GID4: variants seen among roughly 807,000 people sequenced by gnomAD.
The protein encoded by GID4 is glucose-induced degradation protein 4 homolog.
A neutral mutation model predicts 32.4 loss-of-function variants in GID4; 7 were observed. The ratio of observed to expected loss-of-function variants is 0.22; its 90% confidence interval spans 0.12 to 0.41. The LOEUF is 0.41. Ranked by LOEUF, GID4 falls within the 10% of genes least tolerant of loss-of-function variation. The probability of loss-of-function intolerance (pLI) is 1.00; values close to 1 mark genes in which losing one functional copy is unlikely to be tolerated. For missense variants in GID4, 309 were observed against 400.0 expected, an observed-to-expected ratio of 0.77 and a Z score of 1.94; for synonymous variants, 166 against 170.0, an observed-to-expected ratio of 0.98 and a Z score of 0.18.
Position 18,065,692 on chromosome 17 carries a change from G to A in GID4, c.*449G>A. 1 of 226,212 alleles carries A rather than the reference G, an allele frequency of 4.4e-6. No individual in the cohort carries two copies. Among genetic ancestry groups the A allele is most frequent in the Non-Finnish European group, 8.9e-6 (1 of 112,688 alleles). The allele number at this position is 226,212 out of a possible 1,614,324, so 14.0% of individuals were successfully genotyped here. A position where few individuals can be genotyped will look rare whatever the true frequency, so the allele number is the denominator to read the frequency against. ...TAGCTCAAGAGAAGGCAGAGCCCCA[G>A]CACCTCTGTGCCCCCCAGAGCTCTG... is the stretch of plus-strand genomic sequence containing the variant. On this transcript the variant is annotated 3_prime_UTR_variant, in exon 6 of 6. Coordinates refer to ENST00000268719, the MANE Select transcript of GID4 (RefSeq NM_024052.5).
intron 3 of GID4, among the ~76,000 whole-genome samples, chr17:18,055,635 C>T (rs568951850): frequency 2.5e-4 from 38 of 151,994 alleles, no homozygotes; most frequent in Non-Finnish European, 3.2e-4. Context: ...ACTACAGGCA[C>T]GTGCCACCAC....
chr17:18,056,168 T>C (rs964661570), intron 3 of GID4, among the ~76,000 whole-genome samples: 7 of 152,358 alleles, frequency 4.6e-5, no homozygotes, highest in South Asian at 2.1e-4. Flanking sequence ...AGCTGTTTTT[T>C]ACTTGAGTAA....
chr17:18,041,209 C>T (rs2044800170), intron 1 of GID4, among the ~76,000 whole-genome samples: 1 of 152,152 alleles, frequency 6.6e-6, no homozygotes, highest in African/African-American at 2.4e-5. Context: ...CCCCCCCGCC[C>T]CACCCCCCGG....
At chr17:18,054,032 T>C (rs1597695405) in intron 2 of GID4, 95 bp from the exon 3 acceptor site, 3 of 659,234 alleles carry the variant, frequency 4.6e-6, no homozygotes, top group East Asian at 2.8e-5. Context: ...GTCTAGGTAC[T>C]GGAAAGAAGT....
intron 1 of GID4, among the ~76,000 whole-genome samples, chr17:18,043,985 G>T (rs924433803): frequency 1.3e-5 from 2 of 152,110 alleles, no homozygotes; most frequent in African/African-American, 4.8e-5. Flanking sequence ...AGGTGACGTG[G>T]CTTCAGGTTG....
chr17:18,056,937 C>T (rs1423339020), intron 3 of GID4: 6 of 1,550,462 alleles, frequency 3.9e-6, no homozygotes, highest in Non-Finnish European at 5.2e-6. Context: ...ACGTGGGACT[C>T]CTGGAGCTCT....
At chr17:18,045,056 G>C (rs2044839360) in intron 1 of GID4, 91 bp from the exon 2 acceptor site, 2 of 967,876 alleles carry the variant, frequency 2.1e-6, no homozygotes, top group Admixed American at 3.8e-5. Flanking sequence ...CTGACCACCA[G>C]TCTGGCCTCA....
At chr17:18,045,266 T>C (rs530506393) in intron 2 of GID4, 60 bp downstream of exon 2, 120 of 1,393,914 alleles carry the variant, frequency 8.6e-5, no homozygotes, top group South Asian at 5.0e-4. Flanking sequence ...CACAGGCTCA[T>C]TGGGGTTCAG....
At chr17:18,065,063 C>A in intron 5 of GID4, 117 bp from the exon 6 acceptor site, 1 of 725,694 alleles carries the variant, frequency 1.4e-6, no homozygotes, top group South Asian at 1.6e-5. Context: ...AATGAATGTG[C>A]ATTTCAGTCC....
chr17:18,060,714 G>C (rs1165218203), intron 4 of GID4, among the ~76,000 whole-genome samples: 5 of 150,516 alleles, frequency 3.3e-5, no homozygotes, highest in Non-Finnish European at 4.4e-5. Context: ...CACCACGCCT[G>C]GCTAATTTTT....
intron 2 of GID4, among the ~76,000 whole-genome samples, chr17:18,050,659 T>G (rs1055503204): frequency 1.3e-5 from 2 of 152,184 alleles, no homozygotes; most frequent in African/African-American, 4.8e-5. Flanking sequence ...GTTCCAGAAG[T>G]TCCTGTTGAC....
At chr17:18,059,222 G>T (rs2044997759) in intron 4 of GID4, among the ~76,000 whole-genome samples, 1 of 152,162 alleles carries the variant, frequency 6.6e-6, no homozygotes, top group Admixed American at 6.5e-5. Flanking sequence ...GTGGATTTGG[G>T]CCTAGGTGGC....
At chr17:18,045,884 C>G (rs1479171570) in intron 2 of GID4, among the ~76,000 whole-genome samples, 1 of 148,838 alleles carries the variant, frequency 6.7e-6, no homozygotes, top group African/African-American at 2.5e-5. Flanking sequence ...AGAGCAAGAC[C>G]CTGTCTCAAA....
Position 18,065,194 on chromosome 17 carries a change from A to T in GID4, c.854A>T (p.Asn285Ile), listed in dbSNP as rs754791891. Residue 285 changes from asparagine to isoleucine, a missense_variant, in exon 6 of 6, where the codon AAT becomes ATT. Around this residue, in one of 2 missense-constraint regions of GID4, gnomAD observed 116 missense variants for 214.2 expected, o/e 0.54. Transcript: ENST00000268719. ...HRSSEWYQSL[N>I]LTHVPEHSAP... ...CCCCCTTGCAGGTATCAGTCCCTCAATCTAACCCATGTTCCTGAACACAGT... is the reference window on the plus strand; with the variant it reads ...CCCCCTTGCAGGTATCAGTCCCTCATTCTAACCCATGTTCCTGAACACAGT... 1 of 1,613,776 alleles carries T rather than the reference A, an allele frequency of 6.2e-7. No individual in the cohort carries two copies. The highest frequency in any genetic ancestry group is 8.5e-7 in the Non-Finnish European group (1 of 1,179,732).
chr17:18,045,951 T>C (rs1375106903), intron 2 of GID4, among the ~76,000 whole-genome samples: 1 of 151,998 alleles, frequency 6.6e-6, no homozygotes, highest in African/African-American at 2.4e-5. Flanking sequence ...CCAGCAGAAG[T>C]ACCTGCTGTG....
intron 2 of GID4, among the ~76,000 whole-genome samples, chr17:18,048,889 C>G (rs535864050): frequency 4.3e-4 from 65 of 152,106 alleles, no homozygotes; most frequent in African/African-American, 1.5e-3. Flanking sequence ...ATGAACCACC[C>G]ACCTTGGCCT....
chr17:18,057,174 G>A (rs1251977827), intron 3 of GID4: 2 of 1,050,182 alleles, frequency 1.9e-6, no homozygotes, highest in East Asian at 2.6e-5. Context: ...GCTCATGCCT[G>A]TAATGCCAGC....
At chr17:18,052,120 G>T (rs369383873) in intron 2 of GID4, among the ~76,000 whole-genome samples, 1 of 151,372 alleles carries the variant, frequency 6.6e-6, no homozygotes, top group African/African-American at 2.4e-5. Flanking sequence ...TTAAAAATTA[G>T]GTTTACATTT....
intron 5 of GID4, chr17:18,062,332 G>C: frequency 4.6e-6 from 1 of 216,520 alleles, no homozygotes; most frequent in South Asian, 7.8e-5. Context: ...TGGACAATGT[G>C]AATTTTGCTG....
Sources: gnomAD v4.1 joint callset for allele counts (sites outside exome capture counted in the v4.1 genomes callset) on GRCh38, gnomAD v4.1.1 for gene constraint, gnomAD v4.1.1 regional missense constraint, MANE v1.5 for transcripts, NCBI Gene and HGNC (gene_info 2026-07-23, HGNC 2026-07-21) for gene names.